SPRING1: variants seen among roughly 807,000 people sequenced by gnomAD.
The protein encoded by SPRING1 is SREBF pathway regulator in golgi 1, also known as SREBP regulating gene protein.
SPRING1 carries 14 observed loss-of-function variants against 24.7 expected under a neutral mutation model. The ratio of observed to expected loss-of-function variants is 0.57; its 90% CI spans 0.37 to 0.88. The LOEUF is 0.88. Ranked by LOEUF, SPRING1 falls within the 40% of genes least tolerant of loss-of-function variation. The pLI is 0.00. For synonymous variants in SPRING1, 93 were observed against 106.1 expected (o/e 0.88, Z 0.76); for missense variants, 255 against 268.4 (o/e 0.95, Z 0.35).
rs1353789336 is a variant in SPRING1, at chr12:116,716,761, T to A, written c.*1049A>T. The A allele has an allele frequency of 6.6e-6, 1 of 152,136 alleles. No individual in the cohort carries two copies. Among genetic ancestry groups the A allele is most frequent in the Non-Finnish European group, 1.5e-5 (1 of 68,020 alleles). The allele number at this position is 152,136 out of a possible 1,614,324, so 9.4% of individuals were successfully genotyped here. ...TGGGTTTCTTCTTCTTCTCTATAAA[T>A]CATAGGGAAACCAAATATTTGTACC... On this transcript the variant is annotated 3_prime_UTR_variant, in exon 5 of 5. Transcript: ENST00000261318.
chr12:116,723,120 C>T lies in SPRING1; in HGVS notation c.215G>A (p.Ser72Asn). ...QFNLGNSSRP[S>N]NQCRNSIQGK... ...TTGAATGGAGTTGCGGCACTGATTGCTCGGACGACTGCTATTGCCCAAGTT... is the reference window on the plus strand; with the variant it reads ...TTGAATGGAGTTGCGGCACTGATTGTTCGGACGACTGCTATTGCCCAAGTT... The change falls in exon 2 of 5, where the codon AGC becomes AAC. Residue 72 changes from serine to asparagine, a missense_variant. Ser to Asn is a conservative substitution (Grantham distance 46). Transcript: ENST00000261318. 4 of 1,612,976 alleles carry T rather than the reference C, an allele frequency of 2.5e-6. No individual in the cohort carries two copies. The highest frequency in any genetic ancestry group is 3.4e-6 in the Non-Finnish European group (4 of 1,180,032).
Position 116,737,823 on chromosome 12 carries a change from C to G in SPRING1, c.78G>C (p.Ser26=), listed in dbSNP as rs201896202. 6.3e-7 allele frequency: 1 copy of G among 1,595,132 alleles called. No homozygotes were observed. Among genetic ancestry groups the G allele is most frequent in the Non-Finnish European group, 8.5e-7 (1 of 1,170,742 alleles). Residue 26 remains serine (S), a synonymous_variant, in exon 1 of 5, where the codon TCG becomes TCC. Coordinates refer to ENST00000261318, the MANE Select transcript of SPRING1 (RefSeq NM_024738.4). ...RWVLALVFGL[S]LVYFLSSTFK... is the part of the protein sequence containing the mutation. ...AGGTGCTGCTGAGGAAGTAGACGAG[C>G]GACAGCCCGAAGACCAGGGCGAGCA...
rs1382096224 is a variant in SPRING1, at chr12:116,712,706, C to T, written c.*5104G>A. 3 of 152,236 alleles carry T rather than the reference C, an allele frequency of 2.0e-5. No individual in the cohort carries two copies. The highest frequency in any genetic ancestry group is 4.4e-5 in the Non-Finnish European group (3 of 68,048). The allele number at this position is 152,236 out of a possible 1,614,324, so 9.4% of individuals were successfully genotyped here. On this transcript the variant is annotated 3_prime_UTR_variant, in exon 5 of 5. Transcript: ENST00000261318. ...CTCCAAAGCCACTCCATTCAAAGAA[C>T]TGCTGGTGAGGTGCTGGGGAGTCAA...
intron 1 of SPRING1, among the ~76,000 whole-genome samples, chr12:116,735,123 G>C (rs376073126): frequency 6.6e-6 from 1 of 152,212 alleles, no homozygotes; most frequent in East Asian, 1.9e-4. Context: ...TATAGGGAGT[G>C]AGAGGAGAAA....
intron 4 of SPRING1, among the ~76,000 whole-genome samples, chr12:116,718,576 C>T (rs902158788): frequency 6.6e-6 from 1 of 152,234 alleles, no homozygotes. Flanking sequence ...GCCAAGTCTT[C>T]TCTTTCTTGG....
intron 1 of SPRING1, among the ~76,000 whole-genome samples, chr12:116,733,292 C>T (rs1434566993): frequency 1.3e-5 from 2 of 151,654 alleles, no homozygotes; most frequent in African/African-American, 2.4e-5. Flanking sequence ...AAGCGATTCT[C>T]CTGCCTCAGC....
chr12:116,725,465 T>G (rs1347541016), intron 1 of SPRING1, among the ~76,000 whole-genome samples: 2 of 152,214 alleles, frequency 1.3e-5, no homozygotes, highest in African/African-American at 4.8e-5. Context: ...ACGTATGTGG[T>G]TATTAAAATT....
At chr12:116,724,344 C>T (rs1870581700) in intron 1 of SPRING1, among the ~76,000 whole-genome samples, 1 of 152,200 alleles carries the variant, frequency 6.6e-6, no homozygotes, top group Non-Finnish European at 1.5e-5. Flanking sequence ...CCAGGAAACT[C>T]AGGTCTGTCC....
In SPRING1 at chr12:116,723,101, G is replaced by A. The variant is rs1870512560; in HGVS notation, c.234C>T (p.Ser78=). 3 of 1,612,604 alleles carry A rather than the reference G, an allele frequency of 1.9e-6. No homozygotes were observed. The highest frequency in any genetic ancestry group is 1.3e-5 in the African/African-American group (1 of 74,912). ...SSRPSNQCRN[S]IQGKHLITDE... The stretch of plus-strand genomic sequence containing the variant: ...CCGTGATGAGGTGCTTCCCTTGAAT[G>A]GAGTTGCGGCACTGATTGCTCGGAC... The change falls in exon 2 of 5, where the codon TCC becomes TCT. Residue 78 remains serine (S), a synonymous_variant. Transcript: ENST00000261318.
chr12:116,723,796 A>C (rs56278899), intron 1 of SPRING1, among the ~76,000 whole-genome samples: 192 of 152,288 alleles, frequency 1.3e-3, no homozygotes, highest in African/African-American at 4.6e-3. Context: ...TCTTCTGTGA[A>C]GGACCACTGA....
intron 1 of SPRING1, among the ~76,000 whole-genome samples, chr12:116,729,182 C>T (rs886348298): frequency 6.6e-5 from 10 of 152,120 alleles, no homozygotes; most frequent in African/African-American, 2.4e-4. Flanking sequence ...ATCTCCGAAG[C>T]GACCTCTATA....
chr12:116,725,083 G>A (rs1870616604), intron 1 of SPRING1, among the ~76,000 whole-genome samples: 1 of 152,084 alleles, frequency 6.6e-6, no homozygotes, highest in Non-Finnish European at 1.5e-5. Context: ...CTAAGATAAT[G>A]GTATGGAAAG....
At chr12:116,723,033 T>C (rs996091147) in intron 2 of SPRING1, 34 bp downstream of exon 2, 1 of 1,611,738 alleles carries the variant, frequency 6.2e-7, no homozygotes, top group African/African-American at 1.3e-5. Flanking sequence ...CCTACGCTCC[T>C]GACCGCCTGG....
intron 1 of SPRING1, among the ~76,000 whole-genome samples, chr12:116,729,696 C>T (rs1870878829): frequency 6.6e-6 from 1 of 152,078 alleles, no homozygotes; most frequent in Non-Finnish European, 1.5e-5. Context: ...AAACATTATG[C>T]TAAATGCAAA....
At position 116,720,559 on chromosome 12, in the gene SPRING1, C is replaced by T. The variant is rs1006031190; in HGVS notation, c.269-112G>A. ...CACAGACAGAAGCTGGAGTCTGGGGCATCATCCTAAGCACCGGAGAGCTGG... is the reference window on the plus strand; with the variant it reads ...CACAGACAGAAGCTGGAGTCTGGGGTATCATCCTAAGCACCGGAGAGCTGG... On this transcript the variant is annotated intron_variant, in intron 2 of 4. Coordinates refer to ENST00000261318, the MANE Select transcript of SPRING1 (RefSeq NM_024738.4). This position sits in a 1 kb window ranked among gnomAD's most constrained non-coding sequence, Gnocchi z 4.0. The T allele has an allele frequency of 5.7e-6, 8 of 1,391,428 alleles. No individual in the cohort carries two copies. The South Asian group carries it at 6.7e-5, about 12-fold the overall frequency. 86.2% of individuals were successfully genotyped at this position (1,391,428 alleles called of 1,614,324 possible).
intron 1 of SPRING1, among the ~76,000 whole-genome samples, chr12:116,736,344 C>G (rs747457484): frequency 3.9e-5 from 6 of 152,142 alleles, no homozygotes; most frequent in Non-Finnish European, 1.5e-5. Context: ...GGACAACACG[C>G]GACTGTGAGG....
At chr12:116,726,822 C>G (rs114555540) in intron 1 of SPRING1, among the ~76,000 whole-genome samples, 28 of 152,342 alleles carry the variant, frequency 1.8e-4, no homozygotes, top group African/African-American at 6.5e-4. Context: ...ATTACTCCCA[C>G]GCTATCCTGT....
chr12:116,727,362 CA>C (rs1640813722), intron 1 of SPRING1, among the ~76,000 whole-genome samples: 1 of 152,118 alleles, frequency 6.6e-6, no homozygotes, highest in African/African-American at 2.4e-5. Context: ...GAGCAGGAGC[CA>C]AAAGTACATG....
rs974748009 is a variant in SPRING1, at chr12:116,715,639, C to T, written c.*2171G>A. On this transcript the variant is annotated 3_prime_UTR_variant, in exon 5 of 5. Transcript: ENST00000261318. ...GGCCTGGACAATTGAAATATATCTGCTCTCAGGGGAGACGCCCACGGTGTC... is the reference window on the plus strand; with the variant it reads ...GGCCTGGACAATTGAAATATATCTGTTCTCAGGGGAGACGCCCACGGTGTC... 1 of 152,192 alleles carries T rather than the reference C, an allele frequency of 6.6e-6. No individual in the cohort carries two copies. Among genetic ancestry groups the T allele is most frequent in the Non-Finnish European group, 1.5e-5 (1 of 68,052 alleles). 9.4% of individuals were successfully genotyped at this position (152,192 alleles called of 1,614,324 possible).
Sources: allele counts gnomAD v4.1 joint callset (sites outside exome capture counted in the v4.1 genomes callset), GRCh38; gene constraint gnomAD v4.1.1; non-coding constraint Gnocchi (gnomAD v3.1); transcripts MANE v1.5; gene names NCBI Gene and HGNC (gene_info 2026-07-23, HGNC 2026-07-21).